Variants in PCDHA9 observed in about 807,000 individuals in gnomAD.
The protein encoded by PCDHA9 is protocadherin alpha-9.
In PCDHA9, 62 loss-of-function variants were observed where a neutral mutation model predicts 62.0. The ratio of observed to expected loss-of-function variants is 1.00; its 90% confidence interval spans 0.81 to 1.23. The LOEUF (loss-of-function observed/expected upper bound fraction) is 1.23, where lower values mean the gene tolerates loss of function less well. Among genes scored for constraint, PCDHA9 ranks in the 50% most tolerant of loss-of-function variants. PCDHA9 has a pLI of 0.00. For missense variants in PCDHA9, 1,205 were observed against 1,249.8 expected, an observed-to-expected ratio of 0.96 and a Z score of 0.54; for synonymous variants, 557 against 567.6, an observed-to-expected ratio of 0.98 and a Z score of 0.27.
intron 1 of PCDHA9, chr5:140,858,764 G>A: frequency 4.4e-6 from 2 of 451,976 alleles, no homozygotes; most frequent in South Asian, 5.7e-5. Context: ...ACAAATATTT[G>A]TGAGATTAGT....
rs781876036 is a variant in PCDHA9 at position 140,857,534 on chromosome 5, C to T, written c.2394+6645C>T. The T allele has an allele frequency of 1.3e-5, 20 of 1,597,344 alleles. 2 individuals are homozygous for T. The highest frequency in any genetic ancestry group is 1.5e-5 in the Non-Finnish European group (18 of 1,167,750). On this transcript the variant is annotated intron_variant, in intron 1 of 3. Transcript: ENST00000532602. ...CCTGGTGTCCTACTCTCTGGTGGAG[C>T]GGCGGTTGGGCGAGCGCTCGCTGTC...
At chr5:140,929,395 C>G (rs1317256449) in intron 1 of PCDHA9, 8 of 1,510,412 alleles carry the variant, frequency 5.3e-6, no homozygotes, top group Non-Finnish European at 5.3e-6. Flanking sequence ...TGAAATATTT[C>G]TTAGACAAGC....
chr5:140,929,437 A>G (rs533186503), intron 1 of PCDHA9: 1 of 1,453,986 alleles, frequency 6.9e-7, no homozygotes, highest in Non-Finnish European at 9.2e-7. Context: ...TGAACTAAAC[A>G]CTCCTTCTTA....
chr5:140,911,502 G>A (rs911736161), intron 1 of PCDHA9, among the ~76,000 whole-genome samples: 4 of 152,104 alleles, frequency 2.6e-5, no homozygotes, highest in Admixed American at 1.3e-4. Flanking sequence ...CAGGTTTGAG[G>A]TTCAGTATCT....
At chr5:140,939,152 G>A (rs1486129737) in intron 1 of PCDHA9, among the ~76,000 whole-genome samples, 20 of 152,068 alleles carry the variant, frequency 1.3e-4, no homozygotes, top group Admixed American at 1.2e-3. Context: ...CAAGGTCCTG[G>A]CAGATTTGTG....
Position 140,877,055 on chromosome 5 carries a change from T to C in PCDHA9, c.2394+26166T>C, listed in dbSNP as rs566250084. 7 of 1,612,792 alleles carry C rather than the reference T, an allele frequency of 4.3e-6. No homozygotes were observed. The Admixed American group carries it at 5.0e-5, about 12-fold the overall frequency. On this transcript the variant is annotated intron_variant, in intron 1 of 3. Coordinates refer to ENST00000532602, the MANE Select transcript of PCDHA9 (RefSeq NM_031857.2). ...CTGCAGCCGCTAGACCACGAGGAGC[T>C]GGAGCTGCTGCAGTTCCAGGTGAGC... is the stretch of plus-strand genomic sequence containing the variant.
At chr5:140,928,467 A>C (rs782319281) in intron 1 of PCDHA9, 29 of 1,614,142 alleles carry the variant, frequency 1.8e-5, no homozygotes, top group Non-Finnish European at 2.3e-5. Flanking sequence ...ATTTCCAAGT[A>C]GAAGGCCGGG....
intron 1 of PCDHA9, among the ~76,000 whole-genome samples, chr5:140,895,206 A>G (rs948962776): frequency 6.6e-6 from 1 of 151,808 alleles, no homozygotes; most frequent in Non-Finnish European, 1.5e-5. Flanking sequence ...ATTTGCTTTT[A>G]TTTCTAATAT....
At chr5:140,867,423 A>G (rs1399312852) in intron 1 of PCDHA9, 14 of 152,182 alleles carry the variant, frequency 9.2e-5, no homozygotes, top group African/African-American at 3.4e-4. Flanking sequence ...TTTTTAATAC[A>G]GAATTTTGCA....
intron 3 of PCDHA9, among the ~76,000 whole-genome samples, chr5:140,991,053 A>G (rs2097429648): frequency 6.6e-6 from 1 of 152,220 alleles, no homozygotes; most frequent in Non-Finnish European, 1.5e-5. Context: ...TGAGAGAAGT[A>G]CATTATTATT....
At chr5:140,953,546 T>G (rs2094902084) in intron 1 of PCDHA9, among the ~76,000 whole-genome samples, 1 of 152,136 alleles carries the variant, frequency 6.6e-6, no homozygotes, top group African/African-American at 2.4e-5. Context: ...ATGCTGATTC[T>G]TTTCTCCAAG....
intron 3 of PCDHA9, among the ~76,000 whole-genome samples, chr5:140,993,523 CAGAG>C (rs111789518): frequency 3.4e-5 from 5 of 145,668 alleles, no homozygotes; most frequent in South Asian, 2.2e-4. Flanking sequence ...GAGAGAGAGA[CAGAG>C]AGAGAGAGAG....
At chr5:140,907,391 A>G (rs1455875344) in intron 1 of PCDHA9, among the ~76,000 whole-genome samples, 2 of 152,214 alleles carry the variant, frequency 1.3e-5, no homozygotes, top group African/African-American at 2.4e-5. Context: ...GGTCAAAGGC[A>G]ATGCTGTGTG....
intron 1 of PCDHA9, among the ~76,000 whole-genome samples, chr5:140,872,762 G>A (rs545441914): frequency 6.6e-6 from 1 of 152,066 alleles, no homozygotes; most frequent in African/African-American, 2.4e-5. Flanking sequence ...ATGCATATAG[G>A]GCTATATTAT....
At chr5:140,862,415 G>A (rs1382532896) in intron 1 of PCDHA9, 6 of 348,784 alleles carry the variant, frequency 1.7e-5, no homozygotes, top group Non-Finnish European at 2.8e-5. Context: ...TTCAAAAGGC[G>A]CTGCCCAGAA....
Position 140,876,717 on chromosome 5 carries a change from C to T in PCDHA9, c.2394+25828C>T, listed in dbSNP as rs377702421. ...TGGTGCTGGACAGCGCCCTGGACCG[C>T]GAGAGCGTGTCGGCCTATGAGCTGG... On this transcript the variant is annotated intron_variant, in intron 1 of 3. Coordinates refer to ENST00000532602, the MANE Select transcript of PCDHA9 (RefSeq NM_031857.2). The T allele has an allele frequency of 3.7e-6, 6 of 1,614,118 alleles. No homozygotes were observed. The African/African-American group carries it at 5.3e-5, about 14-fold the overall frequency.
intron 1 of PCDHA9, among the ~76,000 whole-genome samples, chr5:140,894,207 A>G (rs962841413): frequency 3.9e-5 from 6 of 152,012 alleles, no homozygotes; most frequent in African/African-American, 1.4e-4. Flanking sequence ...ATGCTATTAT[A>G]TTCTCATTTT....
chr5:140,953,475 T>C (rs1178172011), intron 1 of PCDHA9, among the ~76,000 whole-genome samples: 3 of 152,140 alleles, frequency 2.0e-5, no homozygotes, highest in African/African-American at 7.2e-5. Context: ...AACTTCCTCA[T>C]GCTGTGTCAC....
chr5:140,889,417 A>G (rs2062219100), intron 1 of PCDHA9, among the ~76,000 whole-genome samples: 1 of 152,040 alleles, frequency 6.6e-6, no homozygotes. Context: ...TCAGTTACGT[A>G]GATAATATTT....
Sources: gnomAD v4.1 joint callset for allele counts (sites outside exome capture counted in the v4.1 genomes callset) on GRCh38, gnomAD v4.1.1 for gene constraint, MANE v1.5 for transcripts, NCBI Gene and HGNC (gene_info 2026-07-23, HGNC 2026-07-21) for gene names.